The following FHOD3 variants were observed in gnomAD, a reference collection of about 807,000 sequenced individuals.
FHOD3 encodes the protein FH1/FH2 domain-containing protein 3.
A neutral mutation model predicts 173.0 loss-of-function variants in FHOD3; 90 were observed. That is an observed-to-expected ratio of 0.52 (90% CI 0.44 to 0.62). The LOEUF (loss-of-function observed/expected upper bound fraction) is 0.62, where lower values mean the gene tolerates loss of function less well. Ranked by LOEUF, FHOD3 falls within the 20% of genes least tolerant of loss-of-function variation. The probability of loss-of-function intolerance (pLI) is 0.00; values close to 1 mark genes in which losing one functional copy is unlikely to be tolerated. For missense variants in FHOD3, 1,945 were observed against 2,034.7 expected (o/e 0.96, Z 0.85); for synonymous variants, 828 against 823.0 (o/e 1.01, Z -0.10).
intron 27 of FHOD3, among the ~76,000 whole-genome samples, chr18:36,764,592 C>T (rs933916603): frequency 2.0e-5 from 3 of 152,038 alleles, no homozygotes; most frequent in African/African-American, 7.2e-5. Flanking sequence ...AGTAATAGAA[C>T]ATAAATAGGT....
chr18:36,461,210 T>C (rs551840354), intron 3 of FHOD3, among the ~76,000 whole-genome samples: 1 of 152,306 alleles, frequency 6.6e-6, no homozygotes, highest in South Asian at 2.1e-4. Context: ...CAGCCACTGC[T>C]TCTGAGAAAG....
chr18:36,707,447 G>A (rs1309973112), intron 17 of FHOD3, among the ~76,000 whole-genome samples: 1 of 152,210 alleles, frequency 6.6e-6, no homozygotes, highest in Non-Finnish European at 1.5e-5. Flanking sequence ...GGAGGAGTGG[G>A]ATTTGGAAGT....
At chr18:36,662,314 G>A (rs567982350) in intron 14 of FHOD3, among the ~76,000 whole-genome samples, 81 of 152,264 alleles carry the variant, frequency 5.3e-4, no homozygotes, top group South Asian at 2.9e-3. Context: ...GACTAGAGAG[G>A]CCACCTAGAG....
At chr18:36,695,332 A>C (rs2039217500) in intron 17 of FHOD3, among the ~76,000 whole-genome samples, 1 of 151,446 alleles carries the variant, frequency 6.6e-6, no homozygotes, top group Non-Finnish European at 1.5e-5. Flanking sequence ...TGGGTGACAG[A>C]GTGAGACACC....
chr18:36,380,527 T>G, intron 3 of FHOD3, among the ~76,000 whole-genome samples: 1 of 146,820 alleles, frequency 6.8e-6, no homozygotes, highest in East Asian at 2.1e-4. Context: ...CTCTCTCCCT[T>G]TTTCCCTTTC....
intron 9 of FHOD3, among the ~76,000 whole-genome samples, chr18:36,620,115 A>G (rs1188649726): frequency 6.6e-6 from 1 of 152,180 alleles, no homozygotes; most frequent in Admixed American, 6.5e-5. Context: ...GCTTTTCATG[A>G]CCAGTAAGAT....
At chr18:36,405,532 C>T (rs965359986) in intron 3 of FHOD3, among the ~76,000 whole-genome samples, 1 of 152,108 alleles carries the variant, frequency 6.6e-6, no homozygotes, top group Non-Finnish European at 1.5e-5. Flanking sequence ...TTTTGGCCTA[C>T]ATTATTTTAT....
chr18:36,454,714 T>A (rs2052068705), intron 3 of FHOD3, among the ~76,000 whole-genome samples: 1 of 152,062 alleles, frequency 6.6e-6, no homozygotes, highest in African/African-American at 2.4e-5. Context: ...GCAACCTCTC[T>A]GTCTGGGCTT....
chr18:36,391,506 G>A (rs1272919312), intron 3 of FHOD3, among the ~76,000 whole-genome samples: 1 of 152,142 alleles, frequency 6.6e-6, no homozygotes, highest in African/African-American at 2.4e-5. Flanking sequence ...GGGAATTAGA[G>A]CTCAGGAAAT....
intron 6 of FHOD3, among the ~76,000 whole-genome samples, chr18:36,591,564 A>C (rs746525902): frequency 6.6e-6 from 1 of 152,200 alleles, no homozygotes; most frequent in Non-Finnish European, 1.5e-5. Flanking sequence ...TCTTAGAGGC[A>C]ACAGAGGCAT....
At chr18:36,481,606 C>T (rs747957506) in intron 3 of FHOD3, among the ~76,000 whole-genome samples, 3 of 152,078 alleles carry the variant, frequency 2.0e-5, no homozygotes, top group Non-Finnish European at 4.4e-5. Context: ...ACAGATACCA[C>T]GCAGACATTT....
intron 3 of FHOD3, among the ~76,000 whole-genome samples, chr18:36,480,685 G>A (rs1277310013): frequency 6.6e-6 from 1 of 152,202 alleles, no homozygotes; most frequent in Non-Finnish European, 1.5e-5. Context: ...ACTAATTGTA[G>A]CAGGTAAATA....
chr18:36,742,717 A>G lies in FHOD3; in HGVS notation c.3760-20A>G. ...CCAAATTGTACACTCTTTATTGTCT[A>G]ATTTTTTTTTAACTGAAAGGAAGTA... On this transcript the variant is annotated intron_variant, in intron 21 of 28. Coordinates refer to ENST00000590592, the MANE Select transcript of FHOD3 (RefSeq NM_001281740.3). 1 of 1,600,668 alleles carries G rather than the reference A, an allele frequency of 6.2e-7. No homozygotes were observed.
chr18:36,406,908 T>C (rs8085568), intron 3 of FHOD3, among the ~76,000 whole-genome samples: 66,433 of 151,606 alleles, frequency 0.44, 14,958 homozygotes, highest in East Asian at 0.67. Flanking sequence ...TACCTACGCA[T>C]CCGCCCTCCA....
At chr18:36,720,368 G>A (rs987965814) in intron 19 of FHOD3, among the ~76,000 whole-genome samples, 4 of 151,444 alleles carry the variant, frequency 2.6e-5, no homozygotes, top group Admixed American at 2.6e-4. Context: ...CTCCTGAGTA[G>A]CTGGGATTAC....
At chr18:36,580,928 C>T (rs939355374) in intron 6 of FHOD3, among the ~76,000 whole-genome samples, 12 of 152,190 alleles carry the variant, frequency 7.9e-5, no homozygotes, top group African/African-American at 2.9e-4. Flanking sequence ...CTTATACAGT[C>T]ACAGAGTTGA....
intron 6 of FHOD3, among the ~76,000 whole-genome samples, chr18:36,585,743 C>A (rs540444332): frequency 6.6e-6 from 1 of 152,288 alleles, no homozygotes. Context: ...TAAGGGTGCA[C>A]CTTTGACTCT....
rs1178179703 is a variant in FHOD3 at position 36,766,306 on chromosome 18, ACT to A, written c.4625-2956_4625-2955del. 7.2e-5 allele frequency among the ~76,000 whole-genome samples: 11 copies of A among 152,044 alleles called. 2 individuals carry two copies. Among genetic ancestry groups the A allele is most frequent in the Admixed American group, 7.2e-4 (11 of 15,268 alleles). ...TTTGACTTAAGTGTTTTCCTTGTAG[ACT>A]CTTTCTTTAGGTTAGATTTCTATAA... On this transcript the variant is annotated intron_variant, in intron 27 of 28. Transcript: ENST00000590592.
chr18:36,718,311 G>A lies in FHOD3; in HGVS notation c.3013G>A (p.Asp1005Asn). The A allele has an allele frequency of 6.2e-7, 1 of 1,614,112 alleles. No individual in the cohort carries two copies. The highest frequency in any genetic ancestry group is 1.7e-4 in the Middle Eastern group (1 of 6,056). The change falls in exon 19 of 29, where the codon GAC (aspartate) becomes AAC (asparagine). Residue 1005 changes from aspartate (D) to asparagine (N), a missense_variant. Physicochemically the swap from Asp to Asn is conservative, Grantham distance 23 (BLOSUM62 1). This residue lies in a region of FHOD3 where 1,099 missense variants were observed against 1,051.2 expected (regional missense o/e 1.05). Coordinates refer to ENST00000590592, the MANE Select transcript of FHOD3 (RefSeq NM_001281740.3). ...MDFTDLGEED[D>N]IDVLDVDLGH... Reference sequence around the variant, plus strand: ...TTTCACTGACCTGGGGGAGGAGGATGACATTGATGTCCTAGATGTGGACCT... The same window carrying A: ...TTTCACTGACCTGGGGGAGGAGGATAACATTGATGTCCTAGATGTGGACCT...
Sources: allele counts gnomAD v4.1 joint callset (sites outside exome capture counted in the v4.1 genomes callset), GRCh38; gene constraint gnomAD v4.1.1; regional missense constraint gnomAD v4.1.1; transcripts MANE v1.5; gene names NCBI Gene and HGNC (gene_info 2026-07-23, HGNC 2026-07-21).